The following ACOT11 variants were observed in gnomAD, a reference collection of about 807,000 sequenced individuals.
ACOT11 encodes the protein acyl-CoA thioesterase 11.
Under a neutral mutation model 77.5 loss-of-function variants are expected in ACOT11, and 69 were observed. That is an observed-to-expected ratio of 0.89 (90% CI 0.73 to 1.09). The LOEUF (loss-of-function observed/expected upper bound fraction) is 1.09. Among genes scored for constraint, ACOT11 ranks in the 50% least tolerant of loss-of-function variants. The pLI, the probability that ACOT11 is intolerant of heterozygous loss-of-function variation, is 0.00. For missense variants in ACOT11, 766 were observed against 813.7 expected (o/e 0.94, Z 0.71); for synonymous variants, 279 against 313.0 (o/e 0.89, Z 1.15).
intron 15 of ACOT11, among the ~76,000 whole-genome samples, chr1:54,624,865 G>A (rs1169883651): frequency 6.6e-6 from 1 of 152,072 alleles, no homozygotes; most frequent in Non-Finnish European, 1.5e-5. Context: ...GGGAGCAGGA[G>A]GACCTGGTGC....
chr1:54,557,650 G>C (rs1448304868), intron 1 of ACOT11, among the ~76,000 whole-genome samples: 1 of 152,008 alleles, frequency 6.6e-6, no homozygotes, highest in Non-Finnish European at 1.5e-5. Flanking sequence ...TTGTCAATGG[G>C]ATTGTTTTCC....
intron 7 of ACOT11, 52 bp downstream of exon 7, chr1:54,597,467 C>T (rs777871990): frequency 1.8e-5 from 27 of 1,532,530 alleles, no homozygotes; most frequent in Middle Eastern, 1.8e-4. Context: ...CTCCTCCTCC[C>T]CTTGGCTACC....
In ACOT11 at chr1:54,548,341, G is replaced by C. The variant is rs759711159; in HGVS notation, c.32G>C (p.Arg11Pro). Residue 11 changes from arginine (R) to proline (P), a missense_variant and splice_region_variant, in exon 1 of 16, where the codon CGG becomes CCG. Coordinates refer to ENST00000343744, the MANE Select transcript of ACOT11 (RefSeq NM_147161.4). MIQNVGNHLR[R>P]GLASVFSNRT... The stretch of plus-strand genomic sequence containing the variant: ...CAGAATGTCGGAAATCACCTGCGAC[G>C]GGTATGGAGGGTGGGCTGGGGCAGC... The C allele has an allele frequency of 1.0e-5, 16 of 1,601,294 alleles. No homozygotes were observed. Among genetic ancestry groups the C allele is most frequent in the African/African-American group, 1.3e-5 (1 of 74,784 alleles).
intron 8 of ACOT11, 75 bp from the exon 9 acceptor site, chr1:54,601,194 A>T (rs1643958959): frequency 1.3e-5 from 20 of 1,503,450 alleles, no homozygotes; most frequent in East Asian, 9.1e-5. Context: ...TGTGTGTGTG[A>T]GTGTGTGTGT....
rs769663669 is a variant in ACOT11 at position 54,584,494 on chromosome 1, C to T, written c.34-161C>T. 2.0e-5 allele frequency among the ~76,000 whole-genome samples: 3 copies of T among 152,104 alleles called. No individual in the cohort carries two copies. Among genetic ancestry groups the T allele is most frequent in the Admixed American group, 6.5e-5 (1 of 15,268 alleles). On this transcript the variant is annotated intron_variant, in intron 1 of 15. Coordinates refer to ENST00000343744, the MANE Select transcript of ACOT11 (RefSeq NM_147161.4). The surrounding 1 kb of genome is among the most constrained non-coding windows in gnomAD (Gnocchi z 6.3). Reference sequence around the variant, plus strand: ...ACAGATATCCTGGGGTCCGAGACCACGGGCTGGAGGGTGGTGACCACTCTC... The same window carrying T: ...ACAGATATCCTGGGGTCCGAGACCATGGGCTGGAGGGTGGTGACCACTCTC...
chr1:54,615,466 G>A (rs1644163165), intron 15 of ACOT11, among the ~76,000 whole-genome samples: 1 of 152,138 alleles, frequency 6.6e-6, no homozygotes, highest in Non-Finnish European at 1.5e-5. Flanking sequence ...GCGTGTGTGT[G>A]GTCATGGTAG....
chr1:54,587,716 C>A (rs1245458670), intron 3 of ACOT11, among the ~76,000 whole-genome samples: 1 of 150,614 alleles, frequency 6.6e-6, no homozygotes, highest in Admixed American at 6.6e-5. Flanking sequence ...TGCGTGACAC[C>A]ACACCCAGCT....
At chr1:54,619,930 C>T in intron 15 of ACOT11, 1 of 1,614,188 alleles carries the variant, frequency 6.2e-7, no homozygotes, top group Non-Finnish European at 8.5e-7. Flanking sequence ...TCCAAGGCAT[C>T]TCGCCGGCTG....
At chr1:54,619,889 C>G (rs114883650) in intron 15 of ACOT11, 23,542 of 1,614,114 alleles carry the variant, frequency 0.015, 232 homozygotes, top group South Asian at 0.02. Context: ...TCATGGCTTT[C>G]TTGCTGTTGG....
chr1:54,630,010 C>T (rs575630563), intron 15 of ACOT11, among the ~76,000 whole-genome samples: 1 of 134,498 alleles, frequency 7.4e-6, no homozygotes, highest in South Asian at 2.5e-4. Flanking sequence ...CGCCATTCTC[C>T]TGCCTCAACC....
At chr1:54,604,992 C>T in intron 12 of ACOT11, 84 bp from the exon 13 acceptor site, 2 of 1,452,398 alleles carry the variant, frequency 1.4e-6, no homozygotes, top group East Asian at 2.3e-5. Flanking sequence ...CAGCTGTAGC[C>T]CTGAGCTTCC....
chr1:54,609,518 C>T lies in ACOT11; in HGVS notation c.*406C>T, dbSNP rs1450593873. ...CTGGAAGGACACAGGTTGCCAGAGC[C>T]CCTGGCACAACTCTAGCATATCTGT... is the stretch of plus-strand genomic sequence containing the variant. On this transcript the variant is annotated 3_prime_UTR_variant, in exon 16 of 16. Coordinates refer to ENST00000343744, the MANE Select transcript of ACOT11 (RefSeq NM_147161.4). 1.2e-6 allele frequency: 2 copies of T among 1,613,144 alleles called. No homozygotes were observed. Among genetic ancestry groups the T allele is most frequent in the Admixed American group, 3.3e-5 (2 of 60,034 alleles).
intron 3 of ACOT11, among the ~76,000 whole-genome samples, chr1:54,587,190 C>T (rs1353565141): frequency 6.6e-6 from 1 of 152,134 alleles, no homozygotes; most frequent in Admixed American, 6.6e-5. Context: ...GTAGGAACGT[C>T]ATTCAATTCG....
chr1:54,582,514 G>C, intron 1 of ACOT11: 7 of 985,364 alleles, frequency 7.1e-6, no homozygotes, highest in Non-Finnish European at 7.2e-6. Context: ...CCTGGCTCCC[G>C]TGGCATAGGG....
intron 16 of ACOT11, among the ~76,000 whole-genome samples, chr1:54,631,200 G>A (rs762850157): frequency 6.6e-6 from 1 of 152,110 alleles, no homozygotes; most frequent in Non-Finnish European, 1.5e-5. Context: ...CGCCTTGAGC[G>A]ACGTCTCTTA....
chr1:54,627,659 T>C (rs968615569), intron 15 of ACOT11, among the ~76,000 whole-genome samples: 1 of 134,506 alleles, frequency 7.4e-6, no homozygotes, highest in East Asian at 2.3e-4. Context: ...GCTTATAGCC[T>C]GTAAGGATGT....
downstream of ACOT11, chr1:54,612,461 T>TG: frequency 6.6e-7 from 1 of 1,508,126 alleles, no homozygotes; most frequent in East Asian, 2.4e-5. Flanking sequence ...TCCAGGAGGG[T>TG]GGGGGTGGGT....
intron 6 of ACOT11, among the ~76,000 whole-genome samples, chr1:54,595,015 A>G (rs1284791024): frequency 1.3e-5 from 2 of 152,300 alleles, no homozygotes; most frequent in African/African-American, 4.8e-5. Flanking sequence ...AGACTGTAGA[A>G]TTTTTTAAAA....
At chr1:54,594,827 A>G in intron 6 of ACOT11, 136 bp downstream of exon 6, 1 of 1,261,684 alleles carries the variant, frequency 7.9e-7, no homozygotes, top group Non-Finnish European at 1.1e-6. Flanking sequence ...GGCCTCTCCT[A>G]GCCCTCTTGG....
Sources: gnomAD v4.1 joint callset for allele counts (sites outside exome capture counted in the v4.1 genomes callset) on GRCh38, gnomAD v4.1.1 for gene constraint, Gnocchi (gnomAD v3.1) non-coding constraint, MANE v1.5 for transcripts, NCBI Gene and HGNC (gene_info 2026-07-23, HGNC 2026-07-21) for gene names.